The following DMRT3 variants were observed in gnomAD, a reference collection of about 807,000 sequenced individuals.
DMRT3 encodes doublesex- and mab-3-related transcription factor 3.
In DMRT3, 29 loss-of-function variants were observed where a neutral mutation model predicts 34.9. The ratio of observed to expected loss-of-function variants is 0.83; its 90% CI spans 0.62 to 1.13. The LOEUF is 1.13. Among genes scored for constraint, DMRT3 ranks in the 50% most tolerant of loss-of-function variants. The pLI is 0.00. For missense variants in DMRT3, 772 were observed against 629.1 expected (o/e 1.23, Z -2.43); for synonymous variants, 350 against 286.0 (o/e 1.22, Z -2.26).
At chr9:983,520 T>C (rs1820247343) in intron 1 of DMRT3, among the ~76,000 whole-genome samples, 1 of 152,230 alleles carries the variant, frequency 6.6e-6, no homozygotes, top group Non-Finnish European at 1.5e-5. Flanking sequence ...TGTATGCCTC[T>C]CAGTGGTCAA....
chr9:976,679 A>C lies in DMRT3; in HGVS notation c.-323A>C, dbSNP rs1320509855. 6.6e-6 allele frequency among the ~76,000 whole-genome samples: 1 copy of C among 152,178 alleles called. No individual in the cohort carries two copies. The highest frequency in any genetic ancestry group is 1.5e-5 in the Non-Finnish European group (1 of 68,010). ...TGCAGAAGAGCTGGCTCAGACCTTA[A>C]TCAGAGCTGTCGCCGGCTCCTTGCA... is the stretch of plus-strand genomic sequence containing the variant. On this transcript the variant is annotated 5_prime_UTR_variant, in exon 1 of 2. Transcript: ENST00000190165. This position sits in a 1 kb window ranked among gnomAD's most constrained non-coding sequence, Gnocchi z 4.5.
intron 1 of DMRT3, among the ~76,000 whole-genome samples, chr9:989,553 G>T (rs1158715567): frequency 6.6e-6 from 1 of 152,180 alleles, no homozygotes; most frequent in Non-Finnish European, 1.5e-5. Flanking sequence ...TCAGCCTATG[G>T]GAAAATAGAT....
chr9:981,870 C>T (rs1443737365), intron 1 of DMRT3, among the ~76,000 whole-genome samples: 1 of 152,156 alleles, frequency 6.6e-6, no homozygotes, highest in African/African-American at 2.4e-5. Context: ...GCTCACTAGG[C>T]AGCTCAGGAA....
chr9:989,101 T>C (rs111449136), intron 1 of DMRT3, among the ~76,000 whole-genome samples: 1,756 of 152,290 alleles, frequency 0.012, 18 homozygotes, highest in Non-Finnish European at 0.016. Context: ...TTTCCCTCCT[T>C]CTTCTTTTCA....
At chr9:982,461 G>A (rs369755184) in intron 1 of DMRT3, among the ~76,000 whole-genome samples, 8 of 152,308 alleles carry the variant, frequency 5.3e-5, no homozygotes, top group East Asian at 1.9e-4. Context: ...TTTCCCTGAT[G>A]GATGAACTCC....
intron 1 of DMRT3, among the ~76,000 whole-genome samples, chr9:981,322 G>A (rs889846033): frequency 2.0e-5 from 3 of 151,844 alleles, no homozygotes; most frequent in Non-Finnish European, 2.9e-5. Context: ...TGGGTGTTAC[G>A]GAACACTCGT....
chr9:990,803 A>C lies in DMRT3; in HGVS notation c.1217A>C (p.Gln406Pro). ...TLQQQYQLRSQYVSPFPSNST... is the reference protein window; with the variant it reads ...TLQQQYQLRSPYVSPFPSNST... ...CAGCAGCAGTATCAGCTGAGGTCCC[A>C]GTATGTCAGTCCTTTCCCCAGTAAC... The change falls in exon 2 of 2, where the codon CAG becomes CCG. Residue 406 changes from glutamine (Q) to proline (P), a missense_variant. By Grantham distance (76) the Gln-to-Pro change is moderately conservative. Coordinates refer to ENST00000190165, the MANE Select transcript of DMRT3 (RefSeq NM_021240.4). 1 of 1,614,182 alleles carries C rather than the reference A, an allele frequency of 6.2e-7. No homozygotes were observed. Among genetic ancestry groups the C allele is most frequent in the Non-Finnish European group, 8.5e-7 (1 of 1,180,034 alleles).
chr9:983,974 GA>G (rs967090435), intron 1 of DMRT3, among the ~76,000 whole-genome samples: 5 of 151,590 alleles, frequency 3.3e-5, no homozygotes, highest in Admixed American at 2.0e-4. Context: ...GGAAGAAAAG[GA>G]AAGTTTTTAG....
intron 1 of DMRT3, among the ~76,000 whole-genome samples, chr9:983,121 T>C (rs1820241999): frequency 6.6e-6 from 1 of 152,326 alleles, no homozygotes; most frequent in East Asian, 1.9e-4. Flanking sequence ...TAACTAGGTA[T>C]GGGGTTTTTT....
intron 1 of DMRT3, among the ~76,000 whole-genome samples, chr9:979,528 C>A (rs1172304342): frequency 6.6e-6 from 1 of 152,046 alleles, no homozygotes. Context: ...GTCACCCCCA[C>A]CCCCCCATAC....
chr9:985,583 G>T (rs1475939063), intron 1 of DMRT3, among the ~76,000 whole-genome samples: 1 of 152,176 alleles, frequency 6.6e-6, no homozygotes, highest in Non-Finnish European at 1.5e-5. Flanking sequence ...ACCTGTGAAA[G>T]TCTGTATTTA....
At chr9:983,361 TTATATG>T (rs1820244822) in intron 1 of DMRT3, among the ~76,000 whole-genome samples, 1 of 152,214 alleles carries the variant, frequency 6.6e-6, no homozygotes, top group Admixed American at 6.5e-5. Flanking sequence ...CCCATAATCT[TTATATG>T]TAAGCATTTA....
In DMRT3 at chr9:991,067, TGAG is replaced by T; in HGVS notation, c.*66_*68del. ...CTGTGCGTTTTGACCCTGAGGCATC[TGAG>T]GAGAGGCCACATCTTGTGTATGCCC... On this transcript the variant is annotated 3_prime_UTR_variant, in exon 2 of 2. Transcript: ENST00000190165. 5 of 1,549,190 alleles carry T rather than the reference TGAG, an allele frequency of 3.2e-6. No homozygotes were observed. Among genetic ancestry groups the T allele is most frequent in the Non-Finnish European group, 4.4e-6 (5 of 1,145,992 alleles).
chr9:982,490 G>C (rs1178340533), intron 1 of DMRT3, among the ~76,000 whole-genome samples: 1 of 152,168 alleles, frequency 6.6e-6, no homozygotes, highest in Non-Finnish European at 1.5e-5. Flanking sequence ...AAAGATTACA[G>C]TAATCACAGG....
chr9:981,347 G>T (rs1302231938), intron 1 of DMRT3, among the ~76,000 whole-genome samples: 1 of 152,028 alleles, frequency 6.6e-6, no homozygotes, highest in East Asian at 1.9e-4. Context: ...GCCAGGATGA[G>T]AAACCCTCTG....
At position 990,315 on chromosome 9, in the gene DMRT3, C is replaced by T. The variant is rs1820339106; in HGVS notation, c.729C>T (p.Phe243=). The T allele has an allele frequency of 6.2e-7, 1 of 1,613,756 alleles. No individual in the cohort carries two copies. The highest frequency in any genetic ancestry group is 8.5e-7 in the Non-Finnish European group (1 of 1,180,024). ...EGPSGTVSLP[F]SLKANRPPLE... is the part of the protein sequence containing the mutation. ...CCTCGGGGACTGTTTCTCTGCCCTT[C>T]AGCTTGAAAGCCAACAGACCGCCGC... is the stretch of plus-strand genomic sequence containing the variant. Residue 243 remains phenylalanine (F), a synonymous_variant, in exon 2 of 2, where the codon TTC becomes TTT. Coordinates refer to ENST00000190165, the MANE Select transcript of DMRT3 (RefSeq NM_021240.4).
chr9:988,342 T>C (rs974364568), intron 1 of DMRT3, among the ~76,000 whole-genome samples: 53 of 152,206 alleles, frequency 3.5e-4, no homozygotes, highest in African/African-American at 1.3e-3. Context: ...ACTGAGGTAA[T>C]TGAAGAGTGT....
At chr9:981,727 G>T (rs1310827885) in intron 1 of DMRT3, among the ~76,000 whole-genome samples, 1 of 152,210 alleles carries the variant, frequency 6.6e-6, no homozygotes, top group Non-Finnish European at 1.5e-5. Context: ...TAGGGGCAAA[G>T]ATAGGGGGCA....
chr9:989,935 G>A, intron 1 of DMRT3, 106 bp from the exon 2 acceptor site: 2 of 1,421,470 alleles, frequency 1.4e-6, no homozygotes, highest in South Asian at 1.4e-5. Flanking sequence ...GACCCATTGA[G>A]ATGCATTTGC....
Sources: allele counts gnomAD v4.1 joint callset (sites outside exome capture counted in the v4.1 genomes callset), GRCh38; gene constraint gnomAD v4.1.1; non-coding constraint Gnocchi (gnomAD v3.1); transcripts MANE v1.5; gene names NCBI Gene and HGNC (gene_info 2026-07-23, HGNC 2026-07-21).